FBXL5: variants seen among roughly 807,000 people sequenced by gnomAD.
The protein encoded by FBXL5 is F-box and leucine rich repeat protein 5, also known as F-box/LRR-repeat protein 5.
In FBXL5, 26 loss-of-function variants were observed where a neutral mutation model predicts 78.3. The ratio of observed to expected loss-of-function variants is 0.33; its 90% CI spans 0.24 to 0.46. The LOEUF is 0.46. FBXL5 is among the 20% of genes least tolerant of loss of function. The pLI is 1.00. For synonymous variants in FBXL5, 295 were observed against 282.5 expected (o/e 1.04, Z -0.45); for missense variants, 710 against 829.2 (o/e 0.86, Z 1.77).
chr4:15,666,675 C>T (rs947923881), intron 1 of FBXL5, among the ~76,000 whole-genome samples: 6 of 150,970 alleles, frequency 4.0e-5, no homozygotes, highest in Non-Finnish European at 8.9e-5. Flanking sequence ...TACTAAACAT[C>T]AAAAAAATTA....
chr4:15,612,735 G>A (rs557775646), intron 9 of FBXL5, among the ~76,000 whole-genome samples: 77 of 152,048 alleles, frequency 5.1e-4, no homozygotes, highest in African/African-American at 1.8e-3. Flanking sequence ...AACTGTATTA[G>A]TAAGTAAAAA....
At chr4:15,673,075 C>T (rs923772432) in intron 1 of FBXL5, among the ~76,000 whole-genome samples, 2 of 152,100 alleles carry the variant, frequency 1.3e-5, no homozygotes, top group African/African-American at 4.8e-5. Context: ...GTCTGTAATA[C>T]TTTGAAGGAT....
At chr4:15,656,115 C>T (rs1379185488), upstream of FBXL5, 9 of 452,386 alleles carry the variant, frequency 2.0e-5, no homozygotes, top group Non-Finnish European at 2.7e-5. Context: ...ATAGGCCCGA[C>T]GGGCCTTGGG....
chr4:15,609,142 A>G (rs1232117510), intron 10 of FBXL5, among the ~76,000 whole-genome samples: 1 of 152,174 alleles, frequency 6.6e-6, no homozygotes, highest in Non-Finnish European at 1.5e-5. Flanking sequence ...GATAATTCAC[A>G]AGGTAGTTCC....
chr4:15,612,626 A>G (rs1215774275), intron 9 of FBXL5, among the ~76,000 whole-genome samples: 1 of 152,154 alleles, frequency 6.6e-6, no homozygotes, highest in Non-Finnish European at 1.5e-5. Flanking sequence ...AACATTCAAT[A>G]AAGAAATCTA....
chr4:15,664,703 G>A (rs192950029), upstream of FBXL5, among the ~76,000 whole-genome samples: 66 of 151,542 alleles, frequency 4.4e-4, no homozygotes, highest in African/African-American at 1.2e-3. Context: ...GATTACAGGC[G>A]CCTGATACCA....
chr4:15,642,040 GAAA>G (rs926947659), intron 2 of FBXL5, among the ~76,000 whole-genome samples: 1 of 150,524 alleles, frequency 6.6e-6, no homozygotes, highest in Non-Finnish European at 1.5e-5. Context: ...AAAAAAAAAA[GAAA>G]AAATTATTTG....
intron 1 of FBXL5, 102 bp downstream of exon 1, chr4:15,655,102 A>T: frequency 1.1e-6 from 1 of 936,304 alleles, no homozygotes; most frequent in Non-Finnish European, 1.4e-6. Flanking sequence ...CGGCGACGGC[A>T]CGGGGCTGCG....
At chr4:15,669,174 C>G (rs1471615423) in intron 1 of FBXL5, among the ~76,000 whole-genome samples, 1 of 152,094 alleles carries the variant, frequency 6.6e-6, no homozygotes, top group East Asian at 1.9e-4. Flanking sequence ...TGTCACTGCC[C>G]AAACATCTGA....
intron 10 of FBXL5, among the ~76,000 whole-genome samples, chr4:15,608,630 C>A (rs1042091830): frequency 6.6e-6 from 1 of 151,238 alleles, no homozygotes; most frequent in Admixed American, 6.6e-5. Flanking sequence ...TTTAAGTTCA[C>A]CAGAATTGAG....
At chr4:15,679,781 A>T (rs955734619) in intron 1 of FBXL5, among the ~76,000 whole-genome samples, 3 of 151,428 alleles carry the variant, frequency 2.0e-5, no homozygotes, top group African/African-American at 7.3e-5. Context: ...AAAAAAAAGC[A>T]GTATGTCTCA....
chr4:15,662,050 A>G (rs1176582719), upstream of FBXL5, among the ~76,000 whole-genome samples: 1 of 152,202 alleles, frequency 6.6e-6, no homozygotes, highest in Non-Finnish European at 1.5e-5. Context: ...AACCCAAAAT[A>G]AGTCAGTCTT....
intron 1 of FBXL5, among the ~76,000 whole-genome samples, chr4:15,645,210 A>G (rs1715239531): frequency 6.6e-6 from 1 of 152,124 alleles, no homozygotes; most frequent in Non-Finnish European, 1.5e-5. Context: ...ATCAGCAGGA[A>G]TGACGGTCTG....
At chr4:15,674,125 G>C (rs939424208) in intron 1 of FBXL5, among the ~76,000 whole-genome samples, 1 of 151,720 alleles carries the variant, frequency 6.6e-6, no homozygotes, top group African/African-American at 2.4e-5. Context: ...GTTATGCTTG[G>C]TGCCTGCAGA....
intron 1 of FBXL5, among the ~76,000 whole-genome samples, chr4:15,646,667 G>C (rs1349993059): frequency 6.6e-6 from 1 of 151,532 alleles, no homozygotes; most frequent in Non-Finnish European, 1.5e-5. Context: ...TCTAACATTA[G>C]GTATATCTCC....
intron 9 of FBXL5, among the ~76,000 whole-genome samples, chr4:15,622,399 A>C (rs1436762975): frequency 1.3e-5 from 2 of 152,226 alleles, no homozygotes; most frequent in East Asian, 1.9e-4. Context: ...GCTTCTAAAA[A>C]TTAAATTTTT....
intron 1 of FBXL5, among the ~76,000 whole-genome samples, chr4:15,673,432 C>A (rs1449364155): frequency 1.3e-5 from 2 of 152,014 alleles, no homozygotes; most frequent in East Asian, 3.8e-4. Flanking sequence ...CAGAGTGAGA[C>A]CTCATCTCAA....
chr4:15,638,070 A>G (rs1714466465), intron 4 of FBXL5, among the ~76,000 whole-genome samples: 1 of 152,170 alleles, frequency 6.6e-6, no homozygotes, highest in African/African-American at 2.4e-5. Flanking sequence ...AAACATAACT[A>G]ATTTTGAAAA....
At chr4:15,623,775 G>A (rs969404522) in intron 9 of FBXL5, among the ~76,000 whole-genome samples, 1 of 151,854 alleles carries the variant, frequency 6.6e-6, no homozygotes, top group African/African-American at 2.4e-5. Flanking sequence ...AGTTACCTCG[G>A]GGAAAACACT....
Sources: gnomAD v4.1 joint callset for allele counts (sites outside exome capture counted in the v4.1 genomes callset) on GRCh38, gnomAD v4.1.1 for gene constraint, MANE v1.5 for transcripts, NCBI Gene and HGNC (gene_info 2026-07-23, HGNC 2026-07-21) for gene names.